KIF1A: variants seen among roughly 807,000 people sequenced by gnomAD.
KIF1A encodes kinesin-like protein KIF1A.
A neutral mutation model predicts 227.3 loss-of-function variants in KIF1A; 46 were observed. The observed-to-expected ratio is 0.20, with a 90% confidence interval of 0.16 to 0.26. KIF1A has a LOEUF of 0.26. Among genes scored for constraint, KIF1A ranks in the 10% least tolerant of loss-of-function variants. The probability of loss-of-function intolerance (pLI) is 1.00; values close to 1 mark genes in which losing one functional copy is unlikely to be tolerated. For missense variants in KIF1A, 1,683 were observed against 2,485.9 expected, an observed-to-expected ratio of 0.68 and a Z score of 6.87; for synonymous variants, 1,022 against 1,012.8, an observed-to-expected ratio of 1.01 and a Z score of -0.17.
chr2:240,805,829 C>T (rs1370583389), intron 1 of KIF1A, among the ~76,000 whole-genome samples: 1 of 151,914 alleles, frequency 6.6e-6, no homozygotes, highest in Non-Finnish European at 1.5e-5. Context: ...TAATTAAAAA[C>T]CCATATGTTT....
rs911887167 is a variant in KIF1A, at chr2:240,736,956, C to T, written c.4007+107G>A. 83 of 895,198 alleles carry T rather than the reference C, an allele frequency of 9.3e-5. No homozygotes were observed. The highest frequency in any genetic ancestry group is 2.2e-4 in the Middle Eastern group (1 of 4,540). 55.5% of individuals were successfully genotyped at this position (895,198 alleles called of 1,614,324 possible). A position where few individuals can be genotyped will look rare whatever the true frequency, so the allele number is the denominator to read the frequency against. ...GTGCCAGGAGGGAGGGCCGGGAGAG[C>T]GTTGAGCGGGTCACCTTGTGTGGCT... On this transcript the variant is annotated intron_variant, in intron 38 of 48. Coordinates refer to ENST00000498729, the MANE Select transcript of KIF1A (RefSeq NM_001244008.2). This position sits in a 1 kb window ranked among gnomAD's most constrained non-coding sequence, Gnocchi z 4.7.
At chr2:240,718,303 A>C (rs2125560896) in intron 47 of KIF1A, 135 bp from the exon 48 acceptor site, 1 of 710,454 alleles carries the variant, frequency 1.4e-6, no homozygotes, top group Non-Finnish European at 2.5e-6. Context: ...GGAGGGGACA[A>C]AGAGGGGAAG....
In KIF1A at chr2:240,758,612, G is replaced by A; in HGVS notation, c.2445-115C>T. Reference sequence around the variant, plus strand: ...AGCCTAGCTCTGGCCACCACATCCAGCTCAGGGTCATCAAGGTCCAGGGGG... The same window carrying A: ...AGCCTAGCTCTGGCCACCACATCCAACTCAGGGTCATCAAGGTCCAGGGGG... On this transcript the variant is annotated intron_variant, in intron 25 of 48. Coordinates refer to ENST00000498729, the MANE Select transcript of KIF1A (RefSeq NM_001244008.2). This position sits in a 1 kb window ranked among gnomAD's most constrained non-coding sequence, Gnocchi z 5.2. The A allele has an allele frequency of 9.0e-7, 1 of 1,116,394 alleles. No homozygotes were observed. Among genetic ancestry groups the A allele is most frequent in the Non-Finnish European group, 1.2e-6 (1 of 836,764 alleles). 69.2% of individuals were successfully genotyped at this position (1,116,394 alleles called of 1,614,324 possible). A position where few individuals can be genotyped will look rare whatever the true frequency, so the allele number is the denominator to read the frequency against.
chr2:240,804,656 C>T (rs865880551), intron 1 of KIF1A, among the ~76,000 whole-genome samples: 47 of 151,952 alleles, frequency 3.1e-4, no homozygotes, highest in African/African-American at 1.1e-3. Flanking sequence ...AGAAGGGACA[C>T]GGGAATTAAT....
At chr2:240,723,046 C>T (rs991354667) in intron 42 of KIF1A, among the ~76,000 whole-genome samples, 6 of 152,228 alleles carry the variant, frequency 3.9e-5, no homozygotes, top group African/African-American at 1.4e-4. Context: ...GTCACACACA[C>T]ACTCGGCCCG....
intron 6 of KIF1A, 144 bp downstream of exon 6, chr2:240,786,191 C>T (rs552503779): frequency 7.8e-6 from 6 of 764,714 alleles, no homozygotes; most frequent in Middle Eastern, 3.7e-4. Flanking sequence ...CAGGCCTAAA[C>T]GACCTCGGGC....
intron 34 of KIF1A, among the ~76,000 whole-genome samples, chr2:240,742,671 C>T (rs748818809): frequency 7.2e-5 from 11 of 152,178 alleles, no homozygotes; most frequent in Non-Finnish European, 1.5e-4. Flanking sequence ...CCCCTCAAAG[C>T]CCCCGACCCT....
Position 240,801,152 on chromosome 2 carries a change from A to G in KIF1A, c.-60-3340T>C, listed in dbSNP as rs78283757. The stretch of plus-strand genomic sequence containing the variant: ...AAGAGGAAAAATAAAATATAAACAC[A>G]TGAGAAAAAAAAAGACACATATCTA... On this transcript the variant is annotated intron_variant, in intron 1 of 48. Coordinates refer to ENST00000498729, the MANE Select transcript of KIF1A (RefSeq NM_001244008.2). Among the ~76,000 whole-genome samples, 94 of 152,300 alleles carry G rather than the reference A, an allele frequency of 6.2e-4. 1 individual carries two copies. In the East Asian group the frequency reaches 0.015, roughly 24 times the overall value.
rs2055854868 is a variant in KIF1A, at chr2:240,792,587, G to A, written c.107-3275C>T. Among the ~76,000 whole-genome samples, 2 of 152,146 alleles carry A rather than the reference G, an allele frequency of 1.3e-5. No individual in the cohort carries two copies. The highest frequency in any genetic ancestry group is 2.1e-4 in the South Asian group (1 of 4,818). ...GGGGACGGGAAAGGAATGGAATACAGCCGTTTTCTCAGAGTCTCAGCTTTC... is the reference window on the plus strand; with the variant it reads ...GGGGACGGGAAAGGAATGGAATACAACCGTTTTCTCAGAGTCTCAGCTTTC... On this transcript the variant is annotated intron_variant, in intron 2 of 48. Transcript: ENST00000498729. The surrounding 1 kb of genome is among the most constrained non-coding windows in gnomAD (Gnocchi z 4.5).
At chr2:240,728,535 T>A in intron 38 of KIF1A, 1 of 565,610 alleles carries the variant, frequency 1.8e-6, no homozygotes, top group Non-Finnish European at 3.1e-6. Context: ...ACGCCGGATC[T>A]CACGGCCCCC....
In KIF1A at chr2:240,785,091, C is replaced by T. The variant is rs137913879; in HGVS notation, c.618G>A (p.Ala206=). 1.0e-4 allele frequency: 161 copies of T among 1,612,766 alleles called. No homozygotes were observed. In the African/African-American group the frequency reaches 1.9e-3, roughly 19 times the overall value. The change falls in exon 7 of 49, where the codon GCG becomes GCA. Residue 206 remains alanine, a synonymous_variant. Coordinates refer to ENST00000498729, the MANE Select transcript of KIF1A (RefSeq NM_001244008.2). ...MDSGNKARTV[A]ATNMNETSSR... is the part of the protein sequence containing the mutation. ...TGCTGGTCTCATTCATGTTGGTGGC[C>T]GCCACGGTCCTGAGGAGCAGAAAGC... is the stretch of plus-strand genomic sequence containing the variant.
chr2:240,720,816 G>A (rs908783880), intron 45 of KIF1A, 98 bp downstream of exon 45: 3 of 1,407,556 alleles, frequency 2.1e-6, no homozygotes, highest in Non-Finnish European at 2.8e-6. Flanking sequence ...TCGGCCATTG[G>A]GGCCCCCTGT....
chr2:240,766,856 G>T lies in KIF1A; in HGVS notation c.1684+59C>A, dbSNP rs1325189227. The T allele has an allele frequency of 2.4e-6, 3 of 1,233,672 alleles. No homozygotes were observed. Among genetic ancestry groups the T allele is most frequent in the South Asian group, 2.6e-5 (2 of 75,934 alleles). 76.4% of individuals were successfully genotyped at this position (1,233,672 alleles called of 1,614,324 possible). A position where few individuals can be genotyped will look rare whatever the true frequency, so the allele number is the denominator to read the frequency against. ...AGCTGGGAGAGGGTGACCTCATTCA[G>T]GCCTGATCATCACGGCACAGGGGCA... is the stretch of plus-strand genomic sequence containing the variant. On this transcript the variant is annotated intron_variant, in intron 19 of 48. Transcript: ENST00000498729. The surrounding 1 kb of genome is among the most constrained non-coding windows in gnomAD (Gnocchi z 5.0).
chr2:240,770,955 C>G lies in KIF1A; in HGVS notation c.1341+16G>C. ...CCCAGAGTCTGACACCCTGAAGCCC[C>G]AGGTGGTGCCCTCACCTTCAGTCTT... On this transcript the variant is annotated intron_variant, in intron 15 of 48. Transcript: ENST00000498729. 6.2e-7 allele frequency: 1 copy of G among 1,608,566 alleles called. No homozygotes were observed. The highest frequency in any genetic ancestry group is 1.1e-5 in the South Asian group (1 of 90,994).
At chr2:240,717,544 G>C (rs1575509547) in intron 48 of KIF1A, 138 bp from the exon 49 acceptor site, 2 of 738,858 alleles carry the variant, frequency 2.7e-6, no homozygotes, top group East Asian at 2.6e-5. Flanking sequence ...ACCACCTGGG[G>C]AAGGGACTGA....
intron 7 of KIF1A, among the ~76,000 whole-genome samples, chr2:240,784,474 C>T (rs549674693): frequency 6.6e-6 from 1 of 152,224 alleles, no homozygotes; most frequent in Non-Finnish European, 1.5e-5. Flanking sequence ...CCATCCTGAG[C>T]CCCCGCTCAC....
intron 1 of KIF1A, among the ~76,000 whole-genome samples, chr2:240,816,974 G>A (rs957818266): frequency 6.6e-6 from 1 of 152,224 alleles, no homozygotes; most frequent in African/African-American, 2.4e-5. Context: ...CTGGGGTGGC[G>A]AGAGGCCAGC....
chr2:240,760,583 C>G, intron 25 of KIF1A, 82 bp downstream of exon 25: 4 of 1,140,184 alleles, frequency 3.5e-6, no homozygotes, highest in Non-Finnish European at 4.7e-6. Flanking sequence ...GCTGTGAAGC[C>G]TGTGCCTACC....
In KIF1A at chr2:240,758,484, G is replaced by C; in HGVS notation, c.2458C>G (p.Leu820Val). ...GCGCGGTCGTACATCTCCCGCATCA[G>C]GTCCAGACGCTGCCTGCAGGGACGG... is the stretch of plus-strand genomic sequence containing the variant. ...TLEKLRQRLD[L>V]MREMYDRAAE... Residue 820 changes from leucine to valine, a missense_variant, in exon 26 of 49, where the codon CTG (leucine) becomes GTG (valine). By Grantham distance (32) the Leu-to-Val change is conservative. Transcript: ENST00000498729. This position sits in a 1 kb window ranked among gnomAD's most constrained non-coding sequence, Gnocchi z 5.2. 2 of 1,591,456 alleles carry C rather than the reference G, an allele frequency of 1.3e-6. No individual in the cohort carries two copies. The highest frequency in any genetic ancestry group is 1.7e-6 in the Non-Finnish European group (2 of 1,168,172).
Sources: gnomAD v4.1 joint callset for allele counts (sites outside exome capture counted in the v4.1 genomes callset) on GRCh38, gnomAD v4.1.1 for gene constraint, Gnocchi (gnomAD v3.1) non-coding constraint, MANE v1.5 for transcripts, NCBI Gene and HGNC (gene_info 2026-07-23, HGNC 2026-07-21) for gene names.